Variants in CCDC146 observed in about 807,000 individuals in gnomAD.
The protein encoded by CCDC146 is coiled-coil domain-containing protein 146.
Under a neutral mutation model 119.3 loss-of-function variants are expected in CCDC146, and 92 were observed. The observed-to-expected ratio is 0.77, with a 90% CI of 0.65 to 0.92. CCDC146 has a LOEUF of 0.92. Among genes scored for constraint, CCDC146 ranks in the 40% least tolerant of loss-of-function variants. The pLI is 0.00. For synonymous variants in CCDC146, 372 were observed against 371.8 expected, an observed-to-expected ratio of 1.00 and a Z score of -0.01; for missense variants, 1,000 against 1,103.0, an observed-to-expected ratio of 0.91 and a Z score of 1.32.
Position 77,256,471 on chromosome 7 carries a change from G to A in CCDC146, c.646G>A (p.Glu216Lys), listed in dbSNP as rs777839753. 2 of 1,605,540 alleles carry A rather than the reference G, an allele frequency of 1.2e-6. No homozygotes were observed. Among genetic ancestry groups the A allele is most frequent in the Non-Finnish European group, 1.7e-6 (2 of 1,177,956 alleles). The change falls in exon 6 of 19, where the codon GAA becomes AAA. Residue 216 changes from glutamate (E) to lysine (K), a missense_variant. Physicochemically the swap from Glu to Lys is moderately conservative, Grantham distance 56 (BLOSUM62 1). This residue lies in a region of CCDC146 where 985 missense variants were observed against 1,045.3 expected (regional missense o/e 0.94). Coordinates refer to ENST00000285871, the MANE Select transcript of CCDC146 (RefSeq NM_020879.3). ...KQKQLLKEQKELEELLGHQVV... is the reference protein window; with the variant it reads ...KQKQLLKEQKKLEELLGHQVV... ...AAAGCAATTATTAAAAGAGCAGAAGGAACTAGAAGAATTGTTGGGACATCA... is the reference window on the plus strand; with the variant it reads ...AAAGCAATTATTAAAAGAGCAGAAGAAACTAGAAGAATTGTTGGGACATCA...
chr7:77,199,605 G>A (rs1200770270), intron 2 of CCDC146: 1 of 1,614,004 alleles, frequency 6.2e-7, no homozygotes, highest in Admixed American at 1.7e-5. Flanking sequence ...GAATAGTCAA[G>A]GGGGGCAGGC....
Position 77,280,474 on chromosome 7 carries a change from C to T in CCDC146, c.1740C>T (p.Ile580=), listed in dbSNP as rs1562860947. 2.2e-5 allele frequency: 36 copies of T among 1,613,960 alleles called. No homozygotes were observed. The highest frequency in any genetic ancestry group is 3.0e-5 in the Non-Finnish European group (35 of 1,180,002). The part of the protein sequence containing the change: ...SMLKHANNVT[I]RESMQNDVRK... ...TGAAACACGCCAACAATGTTACCAT[C>T]AGAGAGAGCATGCAAAACGATGTGC... The change falls in exon 14 of 19, where the codon ATC becomes ATT. Residue 580 remains isoleucine, a synonymous_variant. Transcript: ENST00000285871.
rs534066000 is a variant in CCDC146, at chr7:77,226,189, G to GT, written c.157-10757dup. On this transcript the variant is annotated intron_variant, in intron 2 of 18. Coordinates refer to ENST00000285871, the MANE Select transcript of CCDC146 (RefSeq NM_020879.3). ...CATTTGGAAACTACTTGAAATGGCC[G>GT]TATTGTTTATTTCCAGCAGTGAGAG... 4.7e-3 allele frequency among the ~76,000 whole-genome samples: 715 copies of GT among 152,304 alleles called. 4 individuals are homozygous for GT. The highest frequency in any genetic ancestry group is 0.02 in the South Asian group (96 of 4,826).
In CCDC146 at chr7:77,196,314, T is replaced by C; in HGVS notation, c.156+28490T>C. On this transcript the variant is annotated intron_variant, in intron 2 of 18. Transcript: ENST00000285871. The surrounding 1 kb of genome is among the most constrained non-coding windows in gnomAD (Gnocchi z 4.2). Reference sequence around the variant, plus strand: ...AAGTGCTTGGGTCTGATCATCATCTTAGCCTCTTTGAAGGAGGACTTGTAG... The same window carrying C: ...AAGTGCTTGGGTCTGATCATCATCTCAGCCTCTTTGAAGGAGGACTTGTAG... 1 of 1,614,090 alleles carries C rather than the reference T, an allele frequency of 6.2e-7. No homozygotes were observed. The highest frequency in any genetic ancestry group is 8.5e-7 in the Non-Finnish European group (1 of 1,179,970).
chr7:77,138,975 C>T (rs1221742088), intron 1 of CCDC146, among the ~76,000 whole-genome samples: 1 of 152,212 alleles, frequency 6.6e-6, no homozygotes, highest in Non-Finnish European at 1.5e-5. Context: ...ACTAAATATA[C>T]TCTTAACATA....
At chr7:77,226,404 C>T (rs1265934112) in intron 2 of CCDC146, among the ~76,000 whole-genome samples, 4 of 152,226 alleles carry the variant, frequency 2.6e-5, no homozygotes, top group Admixed American at 1.3e-4. Context: ...CACACACCCA[C>T]GCAAACACCT....
At chr7:77,271,211 C>T (rs1212441970) in intron 9 of CCDC146, among the ~76,000 whole-genome samples, 1 of 151,632 alleles carries the variant, frequency 6.6e-6, no homozygotes, top group African/African-American at 2.4e-5. Flanking sequence ...GAAAGCAGAC[C>T]CACCCTTAAT....
intron 1 of CCDC146, among the ~76,000 whole-genome samples, chr7:77,144,644 C>G (rs1359247112): frequency 6.6e-6 from 1 of 151,760 alleles, no homozygotes; most frequent in Non-Finnish European, 1.5e-5. Flanking sequence ...TGAATTTTGT[C>G]AAAGGCTTTT....
rs140968354 is a variant in CCDC146 at position 77,278,435 on chromosome 7, ATTTTTTT to A, written c.1441-298_1441-292del. The stretch of plus-strand genomic sequence containing the variant: ...GTACAACCCAGCAAGCCAAGAAATA[ATTTTTTT>A]TTTTTTTTTTTTTTTTTTGGAGAGA... On this transcript the variant is annotated intron_variant, in intron 11 of 18. Coordinates refer to ENST00000285871, the MANE Select transcript of CCDC146 (RefSeq NM_020879.3). Among the ~76,000 whole-genome samples the A allele has an allele frequency of 9.7e-5, 10 of 103,342 alleles. No individual in the cohort carries two copies. The East Asian group carries it at 1.5e-3, about 16-fold the overall frequency. The allele number at this position is 103,342 out of a possible 152,430, so 67.8% of individuals were successfully genotyped here.
intron 1 of CCDC146, among the ~76,000 whole-genome samples, chr7:77,134,565 G>GTGTC (rs1790834901): frequency 2.0e-5 from 1 of 49,700 alleles, no homozygotes; most frequent in Non-Finnish European, 3.9e-5. Flanking sequence ...GTGTGTGTCT[G>GTGTC]TGTGTGTGTG....
intron 3 of CCDC146, among the ~76,000 whole-genome samples, chr7:77,238,939 G>T (rs1792791553): frequency 6.6e-6 from 1 of 152,114 alleles, no homozygotes; most frequent in Non-Finnish European, 1.5e-5. Context: ...TCCCTCTAAT[G>T]CCATTGCAAA....
chr7:77,286,783 T>G lies in CCDC146; in HGVS notation c.2149-15T>G. 1.2e-6 allele frequency: 2 copies of G among 1,611,318 alleles called. No individual in the cohort carries two copies. Among genetic ancestry groups the G allele is most frequent in the Non-Finnish European group, 1.7e-6 (2 of 1,178,694 alleles). On this transcript the variant is annotated splice_polypyrimidine_tract_variant and intron_variant, in intron 15 of 18. Coordinates refer to ENST00000285871, the MANE Select transcript of CCDC146 (RefSeq NM_020879.3). ...TAGAGCGTTCATTTTAAAGTTAATG[T>G]TTTTTTCTTAATAGTTTTCACAGTG...
chr7:77,184,953 G>A (rs1376962565), intron 2 of CCDC146, among the ~76,000 whole-genome samples: 1 of 152,108 alleles, frequency 6.6e-6, no homozygotes, highest in Non-Finnish European at 1.5e-5. Flanking sequence ...AGTCATGGGG[G>A]GATGAGACTG....
chr7:77,191,937 T>G (rs898292524), intron 2 of CCDC146, among the ~76,000 whole-genome samples: 39 of 151,538 alleles, frequency 2.6e-4, no homozygotes, highest in African/African-American at 8.5e-4. Context: ...AATAACTACT[T>G]AGGATGATGA....
chr7:77,159,280 T>G (rs1172372997), intron 1 of CCDC146, among the ~76,000 whole-genome samples: 2 of 152,056 alleles, frequency 1.3e-5, no homozygotes, highest in Non-Finnish European at 2.9e-5. Context: ...TAGCTGAAAT[T>G]TTGTACTCTT....
chr7:77,237,468 C>T (rs920578301), intron 3 of CCDC146, among the ~76,000 whole-genome samples: 2 of 152,188 alleles, frequency 1.3e-5, no homozygotes, highest in Non-Finnish European at 1.5e-5. Flanking sequence ...AGCTCTCAGG[C>T]GGAGGGACAC....
chr7:77,201,813 T>G (rs568477181), intron 2 of CCDC146, among the ~76,000 whole-genome samples: 5 of 152,276 alleles, frequency 3.3e-5, no homozygotes, highest in African/African-American at 1.2e-4. Context: ...TAACCTCATT[T>G]CTTCTCACCT....
intron 2 of CCDC146, among the ~76,000 whole-genome samples, chr7:77,236,304 T>G (rs1792736383): frequency 6.6e-6 from 1 of 152,178 alleles, no homozygotes; most frequent in Non-Finnish European, 1.5e-5. Flanking sequence ...TAACTAGAAA[T>G]AAAATGGGAA....
intron 2 of CCDC146, among the ~76,000 whole-genome samples, chr7:77,209,966 C>G (rs189146517): frequency 8.5e-5 from 13 of 152,332 alleles, no homozygotes; most frequent in African/African-American, 3.1e-4. Context: ...TCCTAGGCCT[C>G]CAGGCCTGTG....
Sources: gnomAD v4.1 joint callset for allele counts (sites outside exome capture counted in the v4.1 genomes callset) on GRCh38, gnomAD v4.1.1 for gene constraint, gnomAD v4.1.1 regional missense constraint, Gnocchi (gnomAD v3.1) non-coding constraint, MANE v1.5 for transcripts, NCBI Gene and HGNC (gene_info 2026-07-23, HGNC 2026-07-21) for gene names.